ZBTB46: variants seen among roughly 807,000 people sequenced by gnomAD.
ZBTB46 encodes the protein zinc finger and BTB domain-containing protein 46.
ZBTB46 carries 8 observed loss-of-function variants against 44.1 expected under a neutral mutation model. The ratio of observed to expected loss-of-function variants is 0.18; its 90% confidence interval spans 0.11 to 0.33. ZBTB46 has a LOEUF of 0.33. ZBTB46 is among the 10% of genes least tolerant of loss of function. The pLI is 1.00. For synonymous variants in ZBTB46, 409 were observed against 382.3 expected, an observed-to-expected ratio of 1.07 and a Z score of -0.81; for missense variants, 651 against 847.7, an observed-to-expected ratio of 0.77 and a Z score of 2.88.
At chr20:63,807,459 C>T (rs1474531562) in intron 1 of ZBTB46, among the ~76,000 whole-genome samples, 1 of 152,200 alleles carries the variant, frequency 6.6e-6, no homozygotes, top group Non-Finnish European at 1.5e-5. Flanking sequence ...ATTCTCCCAC[C>T]TCAGCCTCCC....
intron 3 of ZBTB46, among the ~76,000 whole-genome samples, chr20:63,771,653 G>A (rs920048204): frequency 2.6e-5 from 4 of 152,102 alleles, no homozygotes; most frequent in Admixed American, 1.3e-4. Context: ...GAGGCGCCTC[G>A]GCTAAGGCTT....
At chr20:63,810,217 C>G (rs1169615465) in intron 1 of ZBTB46, among the ~76,000 whole-genome samples, 1 of 152,076 alleles carries the variant, frequency 6.6e-6, no homozygotes, top group Non-Finnish European at 1.5e-5. Flanking sequence ...CTAACAGTGA[C>G]AAACAGAAAA....
Position 63,790,777 on chromosome 20 carries a change from C to G in ZBTB46, c.-20G>C, listed in dbSNP as rs1458563927. On this transcript the variant is annotated 5_prime_UTR_variant, in exon 2 of 5. Coordinates refer to ENST00000245663, the MANE Select transcript of ZBTB46 (RefSeq NM_001369741.1). ...GTTCATTTGGAAGCCCTGGTGTCGC[C>G]TCTTCTACAGACTCTGTGGAGGTAA... 1 of 1,580,772 alleles carries G rather than the reference C, an allele frequency of 6.3e-7. No homozygotes were observed. Among genetic ancestry groups the G allele is most frequent in the South Asian group, 1.1e-5 (1 of 87,758 alleles).
intron 3 of ZBTB46, among the ~76,000 whole-genome samples, chr20:63,761,128 A>G (rs2092271729): frequency 6.8e-6 from 1 of 148,140 alleles, no homozygotes. Flanking sequence ...CCTCCCGAGT[A>G]GCTGGGATTA....
At chr20:63,755,752 T>A (rs1355565336) in intron 3 of ZBTB46, among the ~76,000 whole-genome samples, 1 of 152,192 alleles carries the variant, frequency 6.6e-6, no homozygotes, top group Non-Finnish European at 1.5e-5. Flanking sequence ...AGTCTATATA[T>A]CTTAGAAAAA....
At chr20:63,830,974 C>T (rs1299373543) in intron 1 of ZBTB46, 123 bp downstream of exon 1, 2 of 140,874 alleles carry the variant, frequency 1.4e-5, no homozygotes, top group Non-Finnish European at 3.1e-5. Context: ...CGTGGCGGGG[C>T]GGCCGGCGGC....
chr20:63,821,801 A>G (rs913496375), intron 1 of ZBTB46, among the ~76,000 whole-genome samples: 1 of 152,184 alleles, frequency 6.6e-6, no homozygotes, highest in Non-Finnish European at 1.5e-5. Context: ...AGTACAGAGT[A>G]ACATTAACCT....
At chr20:63,756,136 C>T (rs1423599276) in intron 3 of ZBTB46, among the ~76,000 whole-genome samples, 1 of 152,234 alleles carries the variant, frequency 6.6e-6, no homozygotes, top group African/African-American at 2.4e-5. Context: ...CAAGCCAAGT[C>T]GGCTGCATGG....
At chr20:63,751,782 C>A (rs2092168350) in intron 4 of ZBTB46, among the ~76,000 whole-genome samples, 1 of 99,114 alleles carries the variant, frequency 1.0e-5, no homozygotes, top group Admixed American at 9.0e-5. Flanking sequence ...GGTGGGTCTC[C>A]CCATGAAGCC....
chr20:63,753,329 C>T (rs1202304532), intron 3 of ZBTB46, among the ~76,000 whole-genome samples: 5 of 152,152 alleles, frequency 3.3e-5, no homozygotes, highest in East Asian at 1.9e-4. Context: ...AGTGTGCAGG[C>T]GAAATGGGAG....
intron 1 of ZBTB46, among the ~76,000 whole-genome samples, chr20:63,829,902 A>G (rs1411732074): frequency 6.6e-6 from 1 of 152,190 alleles, no homozygotes; most frequent in Admixed American, 6.5e-5. Context: ...CAATCGATAC[A>G]ATTAAAATGC....
Position 63,745,210 on chromosome 20 carries a change from C to A in ZBTB46, c.*1720G>T, listed in dbSNP as rs1044213807. On this transcript the variant is annotated 3_prime_UTR_variant, in exon 5 of 5. Transcript: ENST00000245663. ...GCGCTTGGCCCGGCTCCTATCCCCA[C>A]ACTCCGTGTGCAGAAAAATCTTGGC... 1 of 152,270 alleles carries A rather than the reference C, an allele frequency of 6.6e-6. No homozygotes were observed. The highest frequency in any genetic ancestry group is 1.5e-5 in the Non-Finnish European group (1 of 68,062). The allele number at this position is 152,270 out of a possible 1,614,324, so 9.4% of individuals were successfully genotyped here. A position where few individuals can be genotyped will look rare whatever the true frequency, so the allele number is the denominator to read the frequency against.
At chr20:63,764,475 T>TAG (rs2092301937) in intron 3 of ZBTB46, among the ~76,000 whole-genome samples, 1 of 152,136 alleles carries the variant, frequency 6.6e-6, no homozygotes, top group African/African-American at 2.4e-5. Flanking sequence ...TTGTTGGGTA[T>TAG]AGAGTTCCAG....
At chr20:63,831,314 G>GCGCC (rs1473289082), upstream of ZBTB46, 4 of 136,280 alleles carry the variant, frequency 2.9e-5, no homozygotes, top group African/African-American at 5.3e-5. Flanking sequence ...GCGCGCGCGC[G>GCGCC]CCCCGCCCGC....
Position 63,752,319 on chromosome 20 carries a change from C to T in ZBTB46, c.1398+367G>A. On this transcript the variant is annotated intron_variant, in intron 4 of 4. Transcript: ENST00000245663. This position sits in a 1 kb window ranked among gnomAD's most constrained non-coding sequence, Gnocchi z 5.6. ...GTGGGCGCGGTGGGTGCAGACAGGT[C>T]GGCAGGCACAAGGACAGGGTTCTCC... Among the ~76,000 whole-genome samples the T allele has an allele frequency of 6.6e-6, 1 of 151,522 alleles. No homozygotes were observed.
chr20:63,779,713 C>T (rs369588810), intron 2 of ZBTB46, among the ~76,000 whole-genome samples: 29 of 151,756 alleles, frequency 1.9e-4, no homozygotes, highest in Middle Eastern at 3.4e-3. Context: ...TGAGCCACCG[C>T]GCCCGGCCGC....
intron 1 of ZBTB46, among the ~76,000 whole-genome samples, chr20:63,796,752 G>C (rs1434338513): frequency 6.6e-6 from 1 of 152,102 alleles, no homozygotes; most frequent in Non-Finnish European, 1.5e-5. Flanking sequence ...TTGAACCTGC[G>C]AGGCGGAGGT....
chr20:63,806,853 G>C (rs188078899), intron 1 of ZBTB46, among the ~76,000 whole-genome samples: 249 of 152,062 alleles, frequency 1.6e-3, no homozygotes, highest in African/African-American at 5.8e-3. Context: ...CGCCATCTCG[G>C]CTCACTGCAA....
chr20:63,772,722 A>AAC (rs67126549), intron 3 of ZBTB46, among the ~76,000 whole-genome samples: 2,280 of 20,182 alleles, frequency 0.11, 25 homozygotes, highest in African/African-American at 0.19. Context: ...CTGTCTCAAA[A>AAC]ACACACACAC....
Sources: gnomAD v4.1 joint callset for allele counts (sites outside exome capture counted in the v4.1 genomes callset) on GRCh38, gnomAD v4.1.1 for gene constraint, Gnocchi (gnomAD v3.1) non-coding constraint, MANE v1.5 for transcripts, NCBI Gene and HGNC (gene_info 2026-07-23, HGNC 2026-07-21) for gene names.